ITFG1: variants seen among roughly 807,000 people sequenced by gnomAD.
The protein encoded by ITFG1 is integrin alpha FG-GAP repeat containing 1, also known as T-cell immunomodulatory protein.
In ITFG1, 34 loss-of-function variants were observed where a neutral mutation model predicts 81.8. The observed-to-expected ratio is 0.42, with a 90% CI of 0.32 to 0.55. The LOEUF (loss-of-function observed/expected upper bound fraction) is 0.55, where lower values mean the gene tolerates loss of function less well. Among genes scored for constraint, ITFG1 ranks in the 20% least tolerant of loss-of-function variants. ITFG1 has a pLI of 0.17. For synonymous variants in ITFG1, 285 were observed against 270.6 expected (o/e 1.05, Z -0.52); for missense variants, 672 against 755.4 (o/e 0.89, Z 1.29).
intron 10 of ITFG1, among the ~76,000 whole-genome samples, chr16:47,306,413 CA>C (rs1429696405): frequency 1.3e-5 from 2 of 151,710 alleles, no homozygotes; most frequent in African/African-American, 4.8e-5. Flanking sequence ...GACTAAAATC[CA>C]AAAAACCACC....
At position 47,260,538 on chromosome 16, in the gene ITFG1, A is replaced by G; in HGVS notation, c.1221+7T>C. ...ACTTCAAACACACAGCCCAGCTCTG[A>G]ACTCACATCTTCGTAAATGTCAAAG... On this transcript the variant is annotated splice_region_variant and intron_variant, in intron 11 of 17. Transcript: ENST00000320640. The G allele has an allele frequency of 6.2e-7, 1 of 1,614,142 alleles. No individual in the cohort carries two copies. Among genetic ancestry groups the G allele is most frequent in the Middle Eastern group, 1.6e-4 (1 of 6,062 alleles).
chr16:47,438,259 G>C (rs1470741336), intron 5 of ITFG1, among the ~76,000 whole-genome samples: 4 of 152,224 alleles, frequency 2.6e-5, no homozygotes, highest in Non-Finnish European at 1.5e-5. Flanking sequence ...CACCGCTGGG[G>C]GCAGGGCACA....
intron 6 of ITFG1, among the ~76,000 whole-genome samples, chr16:47,400,500 C>G (rs560894121): frequency 6.6e-6 from 1 of 150,684 alleles, no homozygotes; most frequent in Admixed American, 6.6e-5. Flanking sequence ...CACTAGACAC[C>G]AGCATTGTGT....
chr16:47,217,510 C>T (rs913808522), intron 14 of ITFG1, among the ~76,000 whole-genome samples: 1 of 152,154 alleles, frequency 6.6e-6, no homozygotes, highest in Non-Finnish European at 1.5e-5. Flanking sequence ...ACCAGCTGGT[C>T]CCAGAGCCTT....
intron 8 of ITFG1, among the ~76,000 whole-genome samples, chr16:47,341,400 G>GAAAAAAAAAA (rs545419792): frequency 1.6e-5 from 1 of 64,348 alleles, no homozygotes; most frequent in Admixed American, 2.0e-4. Context: ...CTGCGCCACT[G>GAAAAAAAAAA]AAAAAAAAAA....
rs549450679 is a variant in ITFG1, at chr16:47,370,226, C to T, written c.721-4357G>A. Among the ~76,000 whole-genome samples, 95 of 152,172 alleles carry T rather than the reference C, an allele frequency of 6.2e-4. No individual in the cohort carries two copies. The Middle Eastern group carries it at 0.014, about 22-fold the overall frequency. ...TCCCCGGTGAAACCCGACCTTCAAA[C>T]CAAAGAAAAACTAAAGCCTGAAACC... is the stretch of plus-strand genomic sequence containing the variant. On this transcript the variant is annotated intron_variant, in intron 7 of 17. Transcript: ENST00000320640.
At chr16:47,331,006 A>G (rs1310484203) in intron 8 of ITFG1, among the ~76,000 whole-genome samples, 1 of 152,196 alleles carries the variant, frequency 6.6e-6, no homozygotes, top group Non-Finnish European at 1.5e-5. Context: ...TGTTCTACCA[A>G]AAAGACATCT....
rs1969388021 is a variant in ITFG1 at position 47,451,444 on chromosome 16, A to C, written c.512T>G (p.Ile171Ser). The C allele has an allele frequency of 6.3e-7, 1 of 1,584,080 alleles. No individual in the cohort carries two copies. Among genetic ancestry groups the C allele is most frequent in the South Asian group, 1.1e-5 (1 of 90,054 alleles). ...GTTGGATTCATTTGTGATACCAAAAATATCAGGAATTAGATCACCATTGAA... is the reference window on the plus strand; with the variant it reads ...GTTGGATTCATTTGTGATACCAAAACTATCAGGAATTAGATCACCATTGAA... Reference protein sequence around the residue: ...MDFNGDLIPDIFGITNESNQP... With the variant: ...MDFNGDLIPDSFGITNESNQP... Residue 171 changes from isoleucine (I) to serine (S), a missense_variant, in exon 5 of 18, where the codon ATT (isoleucine) becomes AGT (serine). This residue lies in a region of ITFG1 where 560 missense variants were observed against 625.7 expected (regional missense o/e 0.90). Transcript: ENST00000320640.
intron 12 of ITFG1, among the ~76,000 whole-genome samples, chr16:47,238,611 T>G (rs1965900538): frequency 6.6e-6 from 1 of 152,140 alleles, no homozygotes. Context: ...AGTTCTGAAA[T>G]AAAACCATAT....
intron 8 of ITFG1, among the ~76,000 whole-genome samples, chr16:47,363,289 AT>A (rs1567474740): frequency 6.6e-6 from 1 of 152,118 alleles, no homozygotes; most frequent in South Asian, 2.1e-4. Context: ...TAGAAGTTTA[AT>A]TTTTTTCAGA....
At chr16:47,258,592 A>G (rs1966166646) in intron 12 of ITFG1, 40 bp downstream of exon 12, 1 of 908,310 alleles carries the variant, frequency 1.1e-6, no homozygotes, top group Non-Finnish European at 1.8e-6. Flanking sequence ...AGAGAGGGGA[A>G]GAGAAAGAGA....
intron 1 of ITFG1, 96 bp downstream of exon 1, chr16:47,460,742 G>C (rs1020247240): frequency 7.5e-7 from 1 of 1,326,864 alleles, no homozygotes; most frequent in Non-Finnish European, 1.1e-6. Flanking sequence ...GAAGGACCAG[G>C]AAATGCAGAA....
intron 6 of ITFG1, among the ~76,000 whole-genome samples, chr16:47,390,729 G>T (rs1285074147): frequency 6.6e-6 from 1 of 152,038 alleles, no homozygotes; most frequent in Admixed American, 6.6e-5. Context: ...CAAAGTGCTG[G>T]GATTACAGGA....
intron 12 of ITFG1, among the ~76,000 whole-genome samples, chr16:47,242,774 A>T (rs2151535735): frequency 6.6e-6 from 1 of 152,334 alleles, no homozygotes; most frequent in Non-Finnish European, 1.5e-5. Context: ...GTTAAAAAAT[A>T]CAATATAAAG....
At chr16:47,452,242 C>T (rs556793556) in intron 4 of ITFG1, among the ~76,000 whole-genome samples, 1 of 152,220 alleles carries the variant, frequency 6.6e-6, no homozygotes, top group Non-Finnish European at 1.5e-5. Context: ...CGACCTCTAC[C>T]AAAATACGCT....
At chr16:47,186,481 A>G (rs1424724322) in intron 14 of ITFG1, among the ~76,000 whole-genome samples, 1 of 152,218 alleles carries the variant, frequency 6.6e-6, no homozygotes, top group Non-Finnish European at 1.5e-5. Context: ...AATGTAATCC[A>G]GCATAGAAAC....
intron 14 of ITFG1, among the ~76,000 whole-genome samples, chr16:47,186,027 CT>C (rs1555503119): frequency 6.6e-6 from 1 of 152,166 alleles, no homozygotes; most frequent in Non-Finnish European, 1.5e-5. Flanking sequence ...GGATAAATTC[CT>C]CGACACATAC....
chr16:47,412,781 G>T (rs1968828443), intron 6 of ITFG1, among the ~76,000 whole-genome samples: 1 of 151,084 alleles, frequency 6.6e-6, no homozygotes, highest in African/African-American at 2.4e-5. Context: ...AGAGCATGAA[G>T]ACTGGTCCTT....
At chr16:47,459,240 CAAG>C (rs1383070335) in intron 1 of ITFG1, 65 bp from the exon 2 acceptor site, 23 of 1,094,956 alleles carry the variant, frequency 2.1e-5, no homozygotes, top group Admixed American at 3.4e-5. Context: ...TCAGTGGTTA[CAAG>C]AAGGTTTCTG....
Sources: allele counts gnomAD v4.1 joint callset (sites outside exome capture counted in the v4.1 genomes callset), GRCh38; gene constraint gnomAD v4.1.1; regional missense constraint gnomAD v4.1.1; transcripts MANE v1.5; gene names NCBI Gene and HGNC (gene_info 2026-07-23, HGNC 2026-07-21).